Variants in EIF4E3 observed in about 807,000 individuals in gnomAD.
EIF4E3 encodes eukaryotic translation initiation factor 4E family member 3, also known as eukaryotic translation initiation factor 4E type 3.
Under a neutral mutation model 31.7 loss-of-function variants are expected in EIF4E3, and 26 were observed. The observed-to-expected ratio is 0.82, with a 90% CI of 0.60 to 1.14. The LOEUF (loss-of-function observed/expected upper bound fraction) is 1.14, where lower values mean the gene tolerates loss of function less well. Among genes scored for constraint, EIF4E3 ranks in the 50% most tolerant of loss-of-function variants. The pLI is 0.00. For synonymous variants in EIF4E3, 128 were observed against 107.7 expected (o/e 1.19, Z -1.17); for missense variants, 304 against 270.9 (o/e 1.12, Z -0.86).
At chr3:71,727,241 C>T (rs2049651588), upstream of EIF4E3, among the ~76,000 whole-genome samples, 1 of 152,228 alleles carries the variant, frequency 6.6e-6, no homozygotes, top group South Asian at 2.1e-4. Context: ...AAACCACTGG[C>T]AACAGTTTCC....
chr3:71,737,071 G>T (rs935753971), intron 1 of EIF4E3, among the ~76,000 whole-genome samples: 4 of 152,172 alleles, frequency 2.6e-5, no homozygotes, highest in African/African-American at 9.7e-5. Flanking sequence ...ACCTGATGAG[G>T]TATTAACAAG....
chr3:71,709,097 A>G (rs75457596), intron 2 of EIF4E3, among the ~76,000 whole-genome samples: 2 of 152,190 alleles, frequency 1.3e-5, no homozygotes, highest in African/African-American at 4.8e-5. Flanking sequence ...TAAAAAAAAA[A>G]TGGATCTCTG....
chr3:71,684,442 A>C lies in EIF4E3; in HGVS notation c.*240T>G, dbSNP rs2048962679. 3.2e-6 allele frequency: 1 copy of C among 312,474 alleles called. No individual in the cohort carries two copies. Among genetic ancestry groups the C allele is most frequent in the Non-Finnish European group, 5.9e-6 (1 of 170,918 alleles). The allele number at this position is 312,474 out of a possible 1,614,324, so 19.4% of individuals were successfully genotyped here. On this transcript the variant is annotated 3_prime_UTR_variant, in exon 7 of 7. Transcript: ENST00000425534. ...AAAAGAACAGAGAATTTAGAAAGCC[A>C]AAAAAAAAGTTTTTTGTGTGTGTTT... is the stretch of plus-strand genomic sequence containing the variant.
At chr3:71,754,587 GC>G, upstream of EIF4E3, 26 of 1,415,952 alleles carry the variant, frequency 1.8e-5, no homozygotes, top group Admixed American at 8.0e-5. This position sits in a 1 kb window ranked among gnomAD's most constrained non-coding sequence, Gnocchi z 5.8. Flanking sequence ...GCCCGACGGC[GC>G]CCCCGGCGCG....
At chr3:71,699,470 ACCC>A (rs910682323) in intron 3 of EIF4E3, 141 bp downstream of exon 3, 16 of 729,954 alleles carry the variant, frequency 2.2e-5, no homozygotes, top group Middle Eastern at 4.9e-4. Flanking sequence ...GAGGACACTT[ACCC>A]CCAGACCCTG....
chr3:71,666,730 A>G, the EIF4E3 span, among the ~76,000 whole-genome samples: 1 of 152,202 alleles, frequency 6.6e-6, no homozygotes, highest in African/African-American at 2.4e-5. Context: ...TGAGGTCAGG[A>G]GTTCAACACC....
downstream of EIF4E3, among the ~76,000 whole-genome samples, chr3:71,670,870 G>C (rs1578321396): frequency 6.6e-6 from 1 of 152,324 alleles, no homozygotes; most frequent in Admixed American, 6.5e-5. Context: ...TGAAGAAACT[G>C]AGACTCAGAA....
chr3:71,674,634 C>T (rs1275472050), downstream of EIF4E3, among the ~76,000 whole-genome samples: 4 of 152,160 alleles, frequency 2.6e-5, no homozygotes, highest in Non-Finnish European at 4.4e-5. Flanking sequence ...GCCACCTCAA[C>T]ACTGTTTGTT....
In EIF4E3 at chr3:71,685,408, G is replaced by A. The variant is rs543894900; in HGVS notation, c.629-680C>T. On this transcript the variant is annotated intron_variant, in intron 6 of 6. Transcript: ENST00000425534. ...GTAGTTTTGCTCTGTAGCCCAGGCT[G>A]GAGTGCAGTGGCGCAATCTTGGCTC... Among the ~76,000 whole-genome samples, 17 of 152,308 alleles carry A rather than the reference G, an allele frequency of 1.1e-4. No homozygotes were observed. The South Asian group carries it at 2.1e-3, about 19-fold the overall frequency.
At chr3:71,709,442 T>C (rs9838110) in intron 2 of EIF4E3, among the ~76,000 whole-genome samples, 16,038 of 152,140 alleles carry the variant, frequency 0.11, 1,255 homozygotes, top group African/African-American at 0.22. Context: ...TGCAGTAGTG[T>C]GAACACAGCT....
At chr3:71,699,947 C>T (rs1245887778) in intron 2 of EIF4E3, among the ~76,000 whole-genome samples, 1 of 152,066 alleles carries the variant, frequency 6.6e-6, no homozygotes, top group Non-Finnish European at 1.5e-5. Flanking sequence ...CCAAGGCAAG[C>T]GGATCACTTG....
upstream of EIF4E3, among the ~76,000 whole-genome samples, chr3:71,726,695 A>G (rs1191106361): frequency 6.6e-6 from 1 of 152,222 alleles, no homozygotes; most frequent in Admixed American, 6.5e-5. Flanking sequence ...CCCAGAGTAG[A>G]TGCCCTCCCT....
At chr3:71,688,483 T>G (rs780196342) in intron 6 of EIF4E3, among the ~76,000 whole-genome samples, 1 of 152,184 alleles carries the variant, frequency 6.6e-6, no homozygotes, top group African/African-American at 2.4e-5. Context: ...GGATGAGAAG[T>G]TGTGACTTGC....
intron 1 of EIF4E3, among the ~76,000 whole-genome samples, chr3:71,748,716 C>T (rs779360241): frequency 2.0e-5 from 3 of 152,084 alleles, no homozygotes; most frequent in African/African-American, 2.4e-5. Context: ...CACACACATG[C>T]GCGCACTATC....
intron 1 of EIF4E3, among the ~76,000 whole-genome samples, chr3:71,721,813 G>C (rs557334892): frequency 2.4e-4 from 37 of 152,206 alleles, no homozygotes; most frequent in African/African-American, 8.9e-4. Flanking sequence ...AGCAGTGTGA[G>C]AACAGACTAA....
chr3:71,674,090 CTTTTTTTTTTTTTTTT>C (rs71277509), downstream of EIF4E3, among the ~76,000 whole-genome samples: 19 of 25,054 alleles, frequency 7.6e-4, no homozygotes, highest in Non-Finnish European at 1.3e-3. Context: ...ATCAACTGTA[CTTTTTTTTTTTTTTTT>C]TTTTTTTTTT....
chr3:71,659,915 T>A, the EIF4E3 span, among the ~76,000 whole-genome samples: 3 of 152,190 alleles, frequency 2.0e-5, no homozygotes, highest in African/African-American at 7.2e-5. Flanking sequence ...AAAGTGTAGA[T>A]TATTCTAGAA....
At chr3:71,687,157 C>A (rs756889051) in intron 6 of EIF4E3, among the ~76,000 whole-genome samples, 5 of 152,156 alleles carry the variant, frequency 3.3e-5, no homozygotes, top group Admixed American at 3.3e-4. Context: ...CCTGCCACCA[C>A]GCCTGGCTAG....
At chr3:71,689,893 T>A (rs2049039801) in intron 6 of EIF4E3, 117 bp downstream of exon 6, 10 of 1,036,860 alleles carry the variant, frequency 9.6e-6, no homozygotes, top group African/African-American at 1.7e-5. Context: ...GTTGAATTAT[T>A]TTCTGAATTA....
Sources: gnomAD v4.1 joint callset for allele counts (sites outside exome capture counted in the v4.1 genomes callset) on GRCh38, gnomAD v4.1.1 for gene constraint, Gnocchi (gnomAD v3.1) non-coding constraint, MANE v1.5 for transcripts, NCBI Gene and HGNC (gene_info 2026-07-23, HGNC 2026-07-21) for gene names.